The following SGMS2 variants were observed in gnomAD, a reference collection of about 807,000 sequenced individuals.
SGMS2 encodes the protein phosphatidylcholine:ceramide cholinephosphotransferase 2.
Under a neutral mutation model 43.8 loss-of-function variants are expected in SGMS2, and 21 were observed. That is an observed-to-expected ratio of 0.48 (90% CI 0.34 to 0.69). The LOEUF (loss-of-function observed/expected upper bound fraction) is 0.69, where lower values mean the gene tolerates loss of function less well. Among genes scored for constraint, SGMS2 ranks in the 30% least tolerant of loss-of-function variants. The probability of loss-of-function intolerance (pLI) is 0.01; values close to 1 mark genes in which losing one functional copy is unlikely to be tolerated. For missense variants in SGMS2, 384 were observed against 443.2 expected (o/e 0.87, Z 1.20); for synonymous variants, 167 against 160.6 (o/e 1.04, Z -0.30).
chr4:107,889,937 G>C (rs117473605), intron 2 of SGMS2, among the ~76,000 whole-genome samples: 4 of 152,116 alleles, frequency 2.6e-5, no homozygotes, highest in Non-Finnish European at 4.4e-5. Context: ...AGATCTCTGA[G>C]CCCTGGGCAG....
chr4:107,857,765 G>A (rs1288445148), intron 1 of SGMS2, among the ~76,000 whole-genome samples: 1 of 152,172 alleles, frequency 6.6e-6, no homozygotes, highest in Non-Finnish European at 1.5e-5. Flanking sequence ...AGTAGAAGGT[G>A]ACAGATTATG....
intron 1 of SGMS2, among the ~76,000 whole-genome samples, chr4:107,851,218 T>C (rs1186692233): frequency 6.6e-6 from 1 of 152,194 alleles, no homozygotes; most frequent in Non-Finnish European, 1.5e-5. Flanking sequence ...GCCATGCTCA[T>C]GGTACACCTG....
chr4:107,850,523 A>G (rs1727078408), intron 1 of SGMS2, among the ~76,000 whole-genome samples: 1 of 152,158 alleles, frequency 6.6e-6, no homozygotes, highest in South Asian at 2.1e-4. Flanking sequence ...CTGTGTGGTA[A>G]ACCCCATCCT....
At chr4:107,882,326 C>T (rs1458664971) in intron 2 of SGMS2, among the ~76,000 whole-genome samples, 3 of 152,178 alleles carry the variant, frequency 2.0e-5, no homozygotes, top group Non-Finnish European at 4.4e-5. Context: ...GATGATATCT[C>T]ATTGTAGTTT....
rs376640926 is a variant in SGMS2 at position 107,859,263 on chromosome 4, GT to G, written c.-245+719del. ...ATTTGACCCTGATGATAGCTGTTTTGTTTTTTTTTACTTTTTATCATTACTG... is the reference window on the plus strand; with the variant it reads ...ATTTGACCCTGATGATAGCTGTTTTGTTTTTTTTACTTTTTATCATTACTG... On this transcript the variant is annotated intron_variant, in intron 2 of 6. Coordinates refer to ENST00000690982, the MANE Select transcript of SGMS2 (RefSeq NM_001375905.1). Among the ~76,000 whole-genome samples the G allele has an allele frequency of 5.2e-3, 778 of 150,488 alleles. 10 individuals carry two copies. Among genetic ancestry groups the G allele is most frequent in the African/African-American group, 0.018 (751 of 40,960 alleles).
chr4:107,900,386 G>T (rs1458871361), intron 4 of SGMS2, among the ~76,000 whole-genome samples: 2 of 152,216 alleles, frequency 1.3e-5, no homozygotes, highest in Non-Finnish European at 2.9e-5. Context: ...GGGTCTTGCA[G>T]CCTAGTATAG....
intron 1 of SGMS2, 69 bp downstream of exon 1, chr4:107,825,322 G>A (rs1349203508): frequency 6.6e-6 from 1 of 152,434 alleles, no homozygotes; most frequent in Non-Finnish European, 1.5e-5. Flanking sequence ...AAGCGCGGGA[G>A]GGGAAAGGTG....
chr4:107,898,386 C>A (rs1730847190), intron 3 of SGMS2, among the ~76,000 whole-genome samples: 1 of 151,920 alleles, frequency 6.6e-6, no homozygotes, highest in South Asian at 2.1e-4. Context: ...CTGAATTAGA[C>A]CTTGATTCAT....
chr4:107,849,123 C>A (rs1243391363), intron 1 of SGMS2, among the ~76,000 whole-genome samples: 2 of 152,120 alleles, frequency 1.3e-5, no homozygotes, highest in Non-Finnish European at 2.9e-5. Context: ...CAGACTGGTT[C>A]TCTAAGGGAA....
intron 2 of SGMS2, among the ~76,000 whole-genome samples, chr4:107,868,254 C>G (rs1728277371): frequency 6.6e-6 from 1 of 152,170 alleles, no homozygotes; most frequent in Non-Finnish European, 1.5e-5. Context: ...GTAAGGAAAG[C>G]TACACAAAGT....
chr4:107,843,166 T>G (rs1726618622), intron 1 of SGMS2, among the ~76,000 whole-genome samples: 1 of 151,574 alleles, frequency 6.6e-6, no homozygotes, highest in African/African-American at 2.4e-5. Flanking sequence ...ATAGACTCAC[T>G]GGTTTTTTTT....
rs931899571 is a variant in SGMS2, at chr4:107,827,470, A to C, written c.-327+2217A>C. Reference sequence around the variant, plus strand: ...AGAGACAAGAAGTGATTAGGCCGTCATAGGCTGCCTCCCACTGATAATAAG... The same window carrying C: ...AGAGACAAGAAGTGATTAGGCCGTCCTAGGCTGCCTCCCACTGATAATAAG... On this transcript the variant is annotated intron_variant, in intron 1 of 6. Transcript: ENST00000690982. Among the ~76,000 whole-genome samples, 3 of 152,310 alleles carry C rather than the reference A, an allele frequency of 2.0e-5. No homozygotes were observed. In the East Asian group the frequency reaches 5.8e-4, roughly 29 times the overall value.
intron 1 of SGMS2, among the ~76,000 whole-genome samples, chr4:107,828,054 G>C (rs544648921): frequency 1.1e-4 from 17 of 152,074 alleles, no homozygotes; most frequent in Non-Finnish European, 2.2e-4. Context: ...AGATTTTTAA[G>C]AGGATTATCC....
At chr4:107,866,084 G>A (rs1344231810) in intron 2 of SGMS2, among the ~76,000 whole-genome samples, 2 of 152,140 alleles carry the variant, frequency 1.3e-5, no homozygotes, top group Non-Finnish European at 2.9e-5. Context: ...TTAGAACCTG[G>A]ATTTTAGGAT....
At position 107,895,419 on chromosome 4, in the gene SGMS2, A is replaced by G. The variant is rs1730583861; in HGVS notation, c.-135A>G. The G allele has an allele frequency of 1.1e-6, 1 of 899,298 alleles. No individual in the cohort carries two copies. The highest frequency in any genetic ancestry group is 1.8e-5 in the South Asian group (1 of 56,892). The allele number at this position is 899,298 out of a possible 1,614,324, so 55.7% of individuals were successfully genotyped here. A position where few individuals can be genotyped will look rare whatever the true frequency, so the allele number is the denominator to read the frequency against. On this transcript the variant is annotated 5_prime_UTR_variant, in exon 3 of 7. Coordinates refer to ENST00000690982, the MANE Select transcript of SGMS2 (RefSeq NM_001375905.1). ...AACAGTAATCGGATGGCTACCTTCT[A>G]CATTTTGTATTAGGAAACAAAGTCC...
chr4:107,899,829 T>C, intron 4 of SGMS2, 137 bp downstream of exon 4: 2 of 514,642 alleles, frequency 3.9e-6, no homozygotes, highest in Non-Finnish European at 6.8e-6. Context: ...CTATTTAGAT[T>C]TGAGGGGAAG....
At chr4:107,829,518 TAA>T (rs1224908613) in intron 1 of SGMS2, among the ~76,000 whole-genome samples, 1 of 152,190 alleles carries the variant, frequency 6.6e-6, no homozygotes, top group Non-Finnish European at 1.5e-5. Context: ...CTAATAGAAT[TAA>T]AGTCAAATCA....
chr4:107,831,576 A>G (rs1008922631), intron 1 of SGMS2, among the ~76,000 whole-genome samples: 1 of 152,208 alleles, frequency 6.6e-6, no homozygotes, highest in East Asian at 1.9e-4. Flanking sequence ...TTTTCTGCAT[A>G]TAAGCTGCAC....
chr4:107,859,584 G>T (rs1459492916), intron 2 of SGMS2, among the ~76,000 whole-genome samples: 2 of 152,148 alleles, frequency 1.3e-5, no homozygotes, highest in African/African-American at 4.8e-5. Context: ...GTGAAGAAAA[G>T]AATTCATTTA....
Sources: gnomAD v4.1 joint callset for allele counts (sites outside exome capture counted in the v4.1 genomes callset) on GRCh38, gnomAD v4.1.1 for gene constraint, MANE v1.5 for transcripts, NCBI Gene and HGNC (gene_info 2026-07-23, HGNC 2026-07-21) for gene names.